Variants in STON2 observed in about 807,000 individuals in gnomAD.
STON2 encodes the protein stonin-2.
In STON2, 29 loss-of-function variants were observed where a neutral mutation model predicts 65.7. The observed-to-expected ratio is 0.44, with a 90% CI of 0.33 to 0.60. The LOEUF (loss-of-function observed/expected upper bound fraction) is 0.60, where lower values mean the gene tolerates loss of function less well. Ranked by LOEUF, STON2 falls within the 20% of genes least tolerant of loss-of-function variation. The pLI is 0.03. For synonymous variants in STON2, 404 were observed against 414.2 expected (o/e 0.98, Z 0.30); for missense variants, 1,054 against 1,118.1 (o/e 0.94, Z 0.82).
At chr14:81,392,913 A>G (rs1308436525) in intron 3 of STON2, among the ~76,000 whole-genome samples, 1 of 152,188 alleles carries the variant, frequency 6.6e-6, no homozygotes, top group African/African-American at 2.4e-5. Context: ...ATCTGCTGTT[A>G]TTTTTTAACC....
At chr14:81,338,581 T>TTA (rs1232074478) in intron 4 of STON2, among the ~76,000 whole-genome samples, 1 of 152,158 alleles carries the variant, frequency 6.6e-6, no homozygotes. Flanking sequence ...AATCCCAGAT[T>TTA]TATATCTGGT....
intron 3 of STON2, among the ~76,000 whole-genome samples, chr14:81,378,884 T>A (rs1899380968): frequency 6.6e-6 from 1 of 152,178 alleles, no homozygotes; most frequent in Non-Finnish European, 1.5e-5. Flanking sequence ...TAGTCTTTAT[T>A]CATGGTAGTA....
chr14:81,401,580 G>A (rs1279386760), upstream of STON2, among the ~76,000 whole-genome samples: 1 of 152,160 alleles, frequency 6.6e-6, no homozygotes, highest in Non-Finnish European at 1.5e-5. Context: ...AGTTCATACT[G>A]GAATTAGTTG....
intron 4 of STON2, chr14:81,333,399 C>T: frequency 1.2e-5 from 5 of 413,504 alleles, no homozygotes; most frequent in Non-Finnish European, 2.2e-5. Flanking sequence ...GGAGGCTATT[C>T]TAAGAGCTTT....
At chr14:81,271,673 A>C (rs895691287) in intron 6 of STON2, among the ~76,000 whole-genome samples, 9 of 152,220 alleles carry the variant, frequency 5.9e-5, no homozygotes, top group Non-Finnish European at 1.2e-4. Context: ...TCGTGATGGC[A>C]AACTTTGGGT....
chr14:81,410,463 T>C (rs1192599872), intron 2 of STON2, among the ~76,000 whole-genome samples: 1 of 152,086 alleles, frequency 6.6e-6, no homozygotes, highest in African/African-American at 2.4e-5. Context: ...AGGGAGATGA[T>C]CCAGGTGAGC....
chr14:81,321,873 C>G (rs1285728953), intron 5 of STON2, among the ~76,000 whole-genome samples: 2 of 152,158 alleles, frequency 1.3e-5, no homozygotes, highest in South Asian at 2.1e-4. Flanking sequence ...CCATCCCATC[C>G]CATGGAAACT....
At chr14:81,319,709 C>T (rs922361880) in intron 5 of STON2, among the ~76,000 whole-genome samples, 3 of 152,088 alleles carry the variant, frequency 2.0e-5, no homozygotes, top group African/African-American at 2.4e-5. Context: ...TTACAGGTTC[C>T]GAACCTTCAT....
intron 3 of STON2, among the ~76,000 whole-genome samples, chr14:81,373,749 C>T (rs1215370354): frequency 6.6e-6 from 1 of 152,098 alleles, no homozygotes; most frequent in Non-Finnish European, 1.5e-5. Flanking sequence ...TCCTAAAAGT[C>T]TTAAAGGGTA....
chr14:81,304,170 C>T (rs1896078839), intron 5 of STON2, among the ~76,000 whole-genome samples: 1 of 152,134 alleles, frequency 6.6e-6, no homozygotes, highest in Non-Finnish European at 1.5e-5. Flanking sequence ...ATGATTAAAA[C>T]CTCCTTGAGA....
chr14:81,347,182 C>T (rs1268607686), intron 4 of STON2, among the ~76,000 whole-genome samples: 1 of 151,388 alleles, frequency 6.6e-6, no homozygotes, highest in Non-Finnish European at 1.5e-5. Context: ...TTTAGCTAGA[C>T]TAACCAAGGG....
intron 5 of STON2, among the ~76,000 whole-genome samples, chr14:81,304,691 G>C (rs1302679493): frequency 6.6e-6 from 1 of 152,150 alleles, no homozygotes; most frequent in East Asian, 1.9e-4. Context: ...TCGCGCCACT[G>C]CACTCCAGCC....
chr14:81,339,983 T>C (rs971233809), intron 4 of STON2, among the ~76,000 whole-genome samples: 1 of 151,950 alleles, frequency 6.6e-6, no homozygotes, highest in Non-Finnish European at 1.5e-5. Flanking sequence ...TGAAACCCCA[T>C]CTCTACTAAA....
chr14:81,324,261 C>T (rs923499315), intron 4 of STON2, among the ~76,000 whole-genome samples, 74 bp from the exon 5 acceptor site: 2 of 152,182 alleles, frequency 1.3e-5, no homozygotes, highest in African/African-American at 2.4e-5. Flanking sequence ...GCAGACACAC[C>T]CAGGAGGAGG....
intron 5 of STON2, among the ~76,000 whole-genome samples, chr14:81,296,883 T>A (rs1204110296): frequency 6.6e-6 from 1 of 152,218 alleles, no homozygotes; most frequent in African/African-American, 2.4e-5. Context: ...AACAATCCTA[T>A]CTAAAACTTT....
At chr14:81,330,398 T>C (rs1330302326) in intron 4 of STON2, among the ~76,000 whole-genome samples, 1 of 152,026 alleles carries the variant, frequency 6.6e-6, no homozygotes, top group African/African-American at 2.4e-5. Flanking sequence ...CTTTGATAAA[T>C]GAACTGTGTT....
upstream of STON2, among the ~76,000 whole-genome samples, chr14:81,401,213 A>G (rs3853420): frequency 0.18 from 26,841 of 152,162 alleles, 3,054 homozygotes; most frequent in East Asian, 0.43. Context: ...CAGTGCCCAG[A>G]AGGCAGATTC....
chr14:81,335,973 C>T (rs1897356569), intron 4 of STON2, among the ~76,000 whole-genome samples: 1 of 151,930 alleles, frequency 6.6e-6, no homozygotes, highest in Non-Finnish European at 1.5e-5. Context: ...AGCTCAGCAG[C>T]ACAAAGGTTA....
chr14:81,365,304 T>A (rs1898670638), intron 4 of STON2, among the ~76,000 whole-genome samples: 1 of 152,160 alleles, frequency 6.6e-6, no homozygotes, highest in South Asian at 2.1e-4. Flanking sequence ...TGACAGGGGT[T>A]TGGCAGACCA....
Sources: gnomAD v4.1 joint callset for allele counts (sites outside exome capture counted in the v4.1 genomes callset) on GRCh38, gnomAD v4.1.1 for gene constraint, MANE v1.5 for transcripts, NCBI Gene and HGNC (gene_info 2026-07-23, HGNC 2026-07-21) for gene names.